Variants in SORCS3 observed in about 807,000 individuals in gnomAD.
SORCS3 encodes sortilin related VPS10 domain containing receptor 3, also known as VPS10 domain-containing receptor SorCS3.
In SORCS3, 57 loss-of-function variants were observed where a neutral mutation model predicts 146.3. The ratio of observed to expected loss-of-function variants is 0.39; its 90% CI spans 0.31 to 0.49. SORCS3 has a LOEUF of 0.49. Among genes scored for constraint, SORCS3 ranks in the 20% least tolerant of loss-of-function variants. The pLI, the probability that SORCS3 is intolerant of heterozygous loss-of-function variation, is 0.92. For missense variants in SORCS3, 1,341 were observed against 1,575.5 expected, an observed-to-expected ratio of 0.85 and a Z score of 2.52; for synonymous variants, 653 against 618.5, an observed-to-expected ratio of 1.06 and a Z score of -0.83.
At chr10:104,941,406 C>T (rs1462389147) in intron 3 of SORCS3, among the ~76,000 whole-genome samples, 3 of 152,112 alleles carry the variant, frequency 2.0e-5, no homozygotes, top group Non-Finnish European at 4.4e-5. Context: ...AAATGTCTTT[C>T]ACTTCATTTG....
At chr10:104,997,233 A>G (rs902764397) in intron 4 of SORCS3, among the ~76,000 whole-genome samples, 2 of 152,206 alleles carry the variant, frequency 1.3e-5, no homozygotes, top group African/African-American at 4.8e-5. Flanking sequence ...CTTTTAACAC[A>G]GTTCACATGG....
intron 3 of SORCS3, among the ~76,000 whole-genome samples, chr10:104,935,692 A>G (rs965966017): frequency 1.4e-5 from 2 of 147,276 alleles, no homozygotes; most frequent in African/African-American, 2.5e-5. Context: ...GAAGGAAGCT[A>G]TATTGAAGCA....
chr10:105,138,753 A>T (rs761280263), intron 7 of SORCS3, among the ~76,000 whole-genome samples: 20 of 152,192 alleles, frequency 1.3e-4, no homozygotes, highest in Non-Finnish European at 2.4e-4. Context: ...TGAGCCTTCT[A>T]GCCAGAGATA....
chr10:105,027,952 A>G (rs1463145952), intron 4 of SORCS3, among the ~76,000 whole-genome samples: 2 of 152,222 alleles, frequency 1.3e-5, no homozygotes, highest in Non-Finnish European at 2.9e-5. Flanking sequence ...GAAAACACCT[A>G]AAACAATGTC....
At chr10:104,968,223 C>T (rs1241868307) in intron 3 of SORCS3, among the ~76,000 whole-genome samples, 2 of 152,178 alleles carry the variant, frequency 1.3e-5, no homozygotes, top group Non-Finnish European at 2.9e-5. Flanking sequence ...TCAAGCAATT[C>T]TCCTGTCTCA....
intron 1 of SORCS3, among the ~76,000 whole-genome samples, chr10:104,765,935 G>A (rs1262191187): frequency 1.3e-5 from 2 of 152,130 alleles, no homozygotes; most frequent in African/African-American, 4.8e-5. Context: ...GCCTTACTAT[G>A]TTCCCACATC....
intron 6 of SORCS3, among the ~76,000 whole-genome samples, chr10:105,091,392 T>C (rs57552081): frequency 2.3e-4 from 10 of 43,658 alleles, no homozygotes; most frequent in Non-Finnish European, 3.4e-4. Context: ...CCTTCCTTCC[T>C]TCCCTCCTTC....
intron 5 of SORCS3, among the ~76,000 whole-genome samples, chr10:105,055,648 T>G (rs1028709688): frequency 1.3e-5 from 2 of 152,164 alleles, no homozygotes; most frequent in Non-Finnish European, 2.9e-5. Flanking sequence ...ACTATCCTTG[T>G]TAATTTGGTA....
chr10:105,111,554 A>G (rs960993225), intron 7 of SORCS3, among the ~76,000 whole-genome samples: 8 of 152,202 alleles, frequency 5.3e-5, no homozygotes, highest in Non-Finnish European at 8.8e-5. Context: ...CCTAATTGAC[A>G]ATTGCTCAAT....
chr10:104,716,350 G>A (rs933588560), intron 1 of SORCS3, among the ~76,000 whole-genome samples: 1 of 152,164 alleles, frequency 6.6e-6, no homozygotes, highest in Non-Finnish European at 1.5e-5. Flanking sequence ...AATAAATATT[G>A]CAGGAGATGT....
intron 1 of SORCS3, among the ~76,000 whole-genome samples, chr10:104,740,319 A>C (rs2016826575): frequency 6.6e-6 from 1 of 152,220 alleles, no homozygotes; most frequent in African/African-American, 2.4e-5. Context: ...ATCCCTTGAT[A>C]AAATGAAGGC....
intron 16 of SORCS3, among the ~76,000 whole-genome samples, chr10:105,205,726 G>A (rs996168398): frequency 1.3e-5 from 2 of 152,018 alleles, no homozygotes; most frequent in Admixed American, 6.5e-5. Context: ...CTTCTCACTC[G>A]ACAAAAACTT....
intron 1 of SORCS3, among the ~76,000 whole-genome samples, chr10:104,670,218 T>A (rs2015835195): frequency 1.3e-5 from 2 of 152,272 alleles, no homozygotes; most frequent in Admixed American, 6.5e-5. Flanking sequence ...TAAATTTTTT[T>A]AATTTTCACA....
At chr10:105,161,360 C>T (rs1034425067) in intron 11 of SORCS3, among the ~76,000 whole-genome samples, 14 of 152,140 alleles carry the variant, frequency 9.2e-5, no homozygotes, top group African/African-American at 3.4e-4. Context: ...CCTTCAGTGG[C>T]CTGCATGGAG....
intron 5 of SORCS3, among the ~76,000 whole-genome samples, chr10:105,065,538 A>G (rs1264573205): frequency 6.6e-6 from 1 of 152,094 alleles, no homozygotes; most frequent in Admixed American, 6.5e-5. Flanking sequence ...AAACTTCTAG[A>G]TCAGCATTGT....
chr10:105,031,327 AC>A (rs1214100074), intron 4 of SORCS3, among the ~76,000 whole-genome samples: 10 of 75,976 alleles, frequency 1.3e-4, no homozygotes, highest in African/African-American at 6.9e-4. Context: ...ACACACACAC[AC>A]ACAAACACAC....
chr10:104,642,331 G>C (rs1218212424), intron 1 of SORCS3, among the ~76,000 whole-genome samples: 1 of 152,066 alleles, frequency 6.6e-6, no homozygotes, highest in East Asian at 1.9e-4. Flanking sequence ...CTTGGGGCGG[G>C]AGCCGCTGAA....
intron 1 of SORCS3, among the ~76,000 whole-genome samples, chr10:104,805,976 A>G (rs1352617870): frequency 6.6e-6 from 1 of 152,116 alleles, no homozygotes; most frequent in East Asian, 1.9e-4. Context: ...CTTACAGATC[A>G]TCCTGGTCTG....
chr10:105,056,322 C>T (rs967541943), intron 5 of SORCS3, among the ~76,000 whole-genome samples: 1 of 152,176 alleles, frequency 6.6e-6, no homozygotes, highest in Non-Finnish European at 1.5e-5. Flanking sequence ...TCAGTAAGTG[C>T]CTTCTGCACC....
Sources: allele counts gnomAD v4.1 joint callset (sites outside exome capture counted in the v4.1 genomes callset), GRCh38; gene constraint gnomAD v4.1.1; transcripts MANE v1.5; gene names NCBI Gene and HGNC (gene_info 2026-07-23, HGNC 2026-07-21).